Variants in GALNT2 observed in about 807,000 individuals in gnomAD.
The protein encoded by GALNT2 is polypeptide N-acetylgalactosaminyltransferase 2.
In GALNT2, 31 loss-of-function variants were observed where a neutral mutation model predicts 81.4. That is an observed-to-expected ratio of 0.38 (90% CI 0.29 to 0.51). GALNT2 has a LOEUF of 0.51. Ranked by LOEUF, GALNT2 falls within the 20% of genes least tolerant of loss-of-function variation. The pLI, the probability that GALNT2 is intolerant of heterozygous loss-of-function variation, is 0.87. For missense variants in GALNT2, 629 were observed against 765.7 expected (o/e 0.82, Z 2.11); for synonymous variants, 303 against 287.4 (o/e 1.05, Z -0.55).
At chr1:230,136,753 G>A (rs1288345091) in intron 1 of GALNT2, among the ~76,000 whole-genome samples, 4 of 152,228 alleles carry the variant, frequency 2.6e-5, no homozygotes, top group African/African-American at 7.2e-5. Flanking sequence ...CAGGGACTTG[G>A]AGAGAGGCGA....
At chr1:230,262,686 C>T in intron 12 of GALNT2, 21 bp downstream of exon 12, 1 of 1,485,408 alleles carries the variant, frequency 6.7e-7, no homozygotes, top group Non-Finnish European at 9.4e-7. Context: ...GTTCTGCCTT[C>T]TCACAATTAC....
At chr1:230,219,791 G>T (rs1007287892) in intron 3 of GALNT2, among the ~76,000 whole-genome samples, 1 of 152,152 alleles carries the variant, frequency 6.6e-6, no homozygotes, top group Non-Finnish European at 1.5e-5. Context: ...TTCTAAATGG[G>T]TGTGTCCCTT....
At position 230,193,043 on chromosome 1, in the gene GALNT2, A is replaced by G. The variant is rs759994476; in HGVS notation, c.221-10094A>G. On this transcript the variant is annotated intron_variant, in intron 2 of 15. Coordinates refer to ENST00000366672, the MANE Select transcript of GALNT2 (RefSeq NM_004481.5). The surrounding 1 kb of genome is among the most constrained non-coding windows in gnomAD (Gnocchi z 4.3). ...GGATTTTTTTTCTTTTAAGCACAGT[A>G]AAATTACATTCAATTTGAGATCAAC... 6.6e-6 allele frequency among the ~76,000 whole-genome samples: 1 copy of G among 152,220 alleles called. No individual in the cohort carries two copies. The highest frequency in any genetic ancestry group is 2.4e-5 in the African/African-American group (1 of 41,450).
At chr1:230,098,238 G>C (rs1390745206) in intron 1 of GALNT2, among the ~76,000 whole-genome samples, 1 of 152,032 alleles carries the variant, frequency 6.6e-6, no homozygotes, top group Admixed American at 6.6e-5. Context: ...GTGGAATGCT[G>C]GCACCCTAAC....
intron 1 of GALNT2, among the ~76,000 whole-genome samples, chr1:230,114,017 A>G (rs1005644888): frequency 1.3e-5 from 2 of 152,054 alleles, no homozygotes; most frequent in African/African-American, 4.8e-5. Context: ...ATAGAATGAA[A>G]ACCCTTGCGT....
chr1:230,136,518 C>A (rs939547827), intron 1 of GALNT2, among the ~76,000 whole-genome samples: 1 of 152,156 alleles, frequency 6.6e-6, no homozygotes, highest in Non-Finnish European at 1.5e-5. Context: ...CATGCATGCA[C>A]CCCCTCACTG....
At chr1:230,113,038 T>C (rs1477153963) in intron 1 of GALNT2, among the ~76,000 whole-genome samples, 2 of 152,198 alleles carry the variant, frequency 1.3e-5, no homozygotes, top group African/African-American at 4.8e-5. Context: ...GTGTGCCCTC[T>C]TGCATGTGTG....
At chr1:230,211,977 C>G (rs145113653) in intron 3 of GALNT2, among the ~76,000 whole-genome samples, 479 of 152,218 alleles carry the variant, frequency 3.1e-3, no homozygotes, top group Non-Finnish European at 4.5e-3. Context: ...TCTCATTTTT[C>G]ACATTGTCGG....
intron 1 of GALNT2, among the ~76,000 whole-genome samples, chr1:230,143,148 A>C (rs1572013775): frequency 6.6e-6 from 1 of 152,280 alleles, no homozygotes; most frequent in African/African-American, 2.4e-5. Context: ...TGAACCTCCT[A>C]GTCCTTCCCT....
chr1:230,192,209 A>G (rs1024252360), intron 2 of GALNT2, among the ~76,000 whole-genome samples: 1 of 152,220 alleles, frequency 6.6e-6, no homozygotes, highest in Non-Finnish European at 1.5e-5. Context: ...AGTGGAGGGA[A>G]CACAGACTGG....
At chr1:230,210,928 T>G (rs1664213599) in intron 3 of GALNT2, among the ~76,000 whole-genome samples, 1 of 152,190 alleles carries the variant, frequency 6.6e-6, no homozygotes, top group Non-Finnish European at 1.5e-5. Flanking sequence ...GAACAAACAT[T>G]GCTGAAGCCA....
intron 2 of GALNT2, among the ~76,000 whole-genome samples, chr1:230,199,791 G>T (rs1558136709): frequency 6.6e-6 from 1 of 152,238 alleles, no homozygotes; most frequent in Non-Finnish European, 1.5e-5. Flanking sequence ...TGTCAAAGGA[G>T]GCGGCAGGGC....
Position 230,178,372 on chromosome 1 carries a change from A to G in GALNT2, c.220+61A>G, listed in dbSNP as rs1022424861. On this transcript the variant is annotated intron_variant, in intron 2 of 15. Transcript: ENST00000366672. ...GCACGTGATTGGGAGTGGACTGAGC[A>G]TGGCTCTTGGAGCAGGTGGTCTGTG... is the stretch of plus-strand genomic sequence containing the variant. 1.5e-5 allele frequency: 19 copies of G among 1,294,922 alleles called. No individual in the cohort carries two copies. In the Admixed American group the frequency reaches 1.5e-4, roughly 10 times the overall value. 80.2% of individuals were successfully genotyped at this position (1,294,922 alleles called of 1,614,324 possible).
intron 3 of GALNT2, among the ~76,000 whole-genome samples, chr1:230,230,798 C>T (rs180854303): frequency 5.3e-5 from 8 of 152,216 alleles, no homozygotes; most frequent in East Asian, 1.9e-4. Context: ...TTACAAAATC[C>T]GAATTACAAG....
At chr1:230,066,968 C>T (rs1299282653), upstream of GALNT2, among the ~76,000 whole-genome samples, 19 of 149,728 alleles carry the variant, frequency 1.3e-4, no homozygotes, top group Non-Finnish European at 2.4e-4. Flanking sequence ...CATGGAGACG[C>T]GGCAGTCCCC....
Position 230,200,053 on chromosome 1 carries a change from CTTTTTTTTCTTTTTTT to C in GALNT2, c.221-3075_221-3060del, listed in dbSNP as rs1663835371. Reference sequence around the variant, plus strand: ...CATTTATTAGTATGGTCATTTAATTCTTTTTTTTCTTTTTTTTTTTTTTTTTTGAGATGGAGTCTTG... The same window carrying C: ...CATTTATTAGTATGGTCATTTAATTCTTTTTTTTTTTGAGATGGAGTCTTG... On this transcript the variant is annotated intron_variant, in intron 2 of 15. Transcript: ENST00000366672. 3.1e-5 allele frequency among the ~76,000 whole-genome samples: 4 copies of C among 129,734 alleles called. No homozygotes were observed. The South Asian group carries it at 9.6e-4, about 31-fold the overall frequency. 85.1% of individuals were successfully genotyped at this position (129,734 alleles called of 152,430 possible).
chr1:230,225,369 G>A (rs186288545), intron 3 of GALNT2, among the ~76,000 whole-genome samples: 130 of 152,324 alleles, frequency 8.5e-4, no homozygotes, highest in African/African-American at 2.9e-3. Context: ...CCTAGTGGAA[G>A]TGCCCTGAGG....
intron 3 of GALNT2, among the ~76,000 whole-genome samples, chr1:230,218,139 C>A (rs1181354338): frequency 6.6e-6 from 1 of 152,178 alleles, no homozygotes; most frequent in Non-Finnish European, 1.5e-5. Context: ...TGGCTAAGAA[C>A]AGGGGACTAA....
chr1:230,108,449 A>G (rs1000601356), intron 1 of GALNT2, among the ~76,000 whole-genome samples: 10 of 152,204 alleles, frequency 6.6e-5, no homozygotes, highest in Admixed American at 5.9e-4. Context: ...CTTCTGATAT[A>G]ATGGTATTTT....
Sources: allele counts gnomAD v4.1 joint callset (sites outside exome capture counted in the v4.1 genomes callset), GRCh38; gene constraint gnomAD v4.1.1; non-coding constraint Gnocchi (gnomAD v3.1); transcripts MANE v1.5; gene names NCBI Gene and HGNC (gene_info 2026-07-23, HGNC 2026-07-21).